Variants in PIK3R5 observed in about 807,000 individuals in gnomAD.
PIK3R5 encodes the protein phosphoinositide-3-kinase regulatory subunit 5.
Under a neutral mutation model 94.9 loss-of-function variants are expected in PIK3R5, and 32 were observed. The ratio of observed to expected loss-of-function variants is 0.34; its 90% CI spans 0.25 to 0.45. The LOEUF is 0.45. Ranked by LOEUF, PIK3R5 falls within the 20% of genes least tolerant of loss-of-function variation. The probability of loss-of-function intolerance (pLI) is 1.00; values close to 1 mark genes in which losing one functional copy is unlikely to be tolerated. For missense variants in PIK3R5, 853 were observed against 1,144.6 expected, an observed-to-expected ratio of 0.75 and a Z score of 3.68; for synonymous variants, 443 against 479.4, an observed-to-expected ratio of 0.92 and a Z score of 0.99.
chr17:8,917,139 C>T (rs1243845716), intron 1 of PIK3R5, among the ~76,000 whole-genome samples: 1 of 152,056 alleles, frequency 6.6e-6, no homozygotes, highest in Non-Finnish European at 1.5e-5. Context: ...AGGAAGGATA[C>T]ACCAGAAATT....
intron 1 of PIK3R5, among the ~76,000 whole-genome samples, chr17:8,961,416 C>T (rs574109771): frequency 1.1e-4 from 16 of 152,258 alleles, no homozygotes; most frequent in African/African-American, 3.9e-4. Flanking sequence ...GGGCAGAACA[C>T]CTGCGGTCTG....
At chr17:8,950,952 C>T (rs2091365518) in intron 1 of PIK3R5, among the ~76,000 whole-genome samples, 2 of 152,158 alleles carry the variant, frequency 1.3e-5, no homozygotes, top group East Asian at 1.9e-4. Context: ...CACAGCCTCG[C>T]CAGCATCTGT....
At chr17:8,936,411 T>C (rs2091077470) in intron 1 of PIK3R5, among the ~76,000 whole-genome samples, 1 of 152,230 alleles carries the variant, frequency 6.6e-6, no homozygotes, top group Non-Finnish European at 1.5e-5. Flanking sequence ...ATACTCCATC[T>C]ATTCATCCTA....
At chr17:8,885,604 C>G (rs1597372578) in intron 14 of PIK3R5, among the ~76,000 whole-genome samples, 1 of 123,902 alleles carries the variant, frequency 8.1e-6, no homozygotes, top group Non-Finnish European at 1.7e-5. Flanking sequence ...GGCCCTGCCT[C>G]CTAGGTAACC....
chr17:8,944,665 T>C (rs1427761062), intron 1 of PIK3R5, among the ~76,000 whole-genome samples: 1 of 152,184 alleles, frequency 6.6e-6, no homozygotes, highest in East Asian at 1.9e-4. Flanking sequence ...TATCCATCTT[T>C]ACTCTCCAGA....
intron 1 of PIK3R5, among the ~76,000 whole-genome samples, chr17:8,929,861 A>G (rs920462738): frequency 3.3e-5 from 5 of 152,182 alleles, no homozygotes; most frequent in African/African-American, 1.2e-4. Flanking sequence ...ACTGGGTACA[A>G]TGTACACTAC....
rs919494229 is a variant in PIK3R5 at position 8,945,335 on chromosome 17, T to A, written c.-14+20261A>T. Among the ~76,000 whole-genome samples the A allele has an allele frequency of 2.6e-5, 4 of 152,044 alleles. No homozygotes were observed. The South Asian group carries it at 8.3e-4, about 32-fold the overall frequency. On this transcript the variant is annotated intron_variant, in intron 1 of 18. Coordinates refer to ENST00000447110, the MANE Select transcript of PIK3R5 (RefSeq NM_001142633.3). The surrounding 1 kb of genome is among the most constrained non-coding windows in gnomAD (Gnocchi z 4.0). ...AGATTCTTCCCTTACAATCAGTAGG[T>A]CTGCCTCCCACCCCAGCCACACACA...
chr17:8,890,993 T>TCTCAGTGGA lies in PIK3R5; in HGVS notation c.483-82_483-81insTCCACTGAG. 1 of 1,384,294 alleles carries TCTCAGTGGA rather than the reference T, an allele frequency of 7.2e-7. No individual in the cohort carries two copies. The highest frequency in any genetic ancestry group is 9.9e-7 in the Non-Finnish European group (1 of 1,014,446). The allele number at this position is 1,384,294 out of a possible 1,614,324, so 85.8% of individuals were successfully genotyped here. On this transcript the variant is annotated intron_variant, in intron 6 of 18. Coordinates refer to ENST00000447110, the MANE Select transcript of PIK3R5 (RefSeq NM_001142633.3). This position sits in a 1 kb window ranked among gnomAD's most constrained non-coding sequence, Gnocchi z 6.1. ...CAGCCACCCCCCTCGTGCCTGCTGG[T>TCTCAGTGGA]GCTCAGCTCCACTGAGACCAGGGCC...
rs139084143 is a variant in PIK3R5 at position 8,890,841 on chromosome 17, G to C, written c.554C>G (p.Pro185Arg). ...GTAGGCACTGTGAGGCGAGTGTCCG[G>C]GCGTACTCAGCTTATTGGCTACAGC... ...FLAVANKLSTPGHSPHSAYTT... is the reference protein window; with the variant it reads ...FLAVANKLSTRGHSPHSAYTT... The change falls in exon 7 of 19, where the codon CCC becomes CGC. Residue 185 changes from proline (P) to arginine (R), a missense_variant. Physicochemically the swap from Pro to Arg is moderately radical, Grantham distance 103 (BLOSUM62 -2). Around this residue, in one of 6 missense-constraint regions of PIK3R5, gnomAD observed 161 missense variants for 249.5 expected, o/e 0.65. Coordinates refer to ENST00000447110, the MANE Select transcript of PIK3R5 (RefSeq NM_001142633.3). This position sits in a 1 kb window ranked among gnomAD's most constrained non-coding sequence, Gnocchi z 6.1. 64 of 1,613,446 alleles carry C rather than the reference G, an allele frequency of 4.0e-5. No individual in the cohort carries two copies. In the African/African-American group the frequency reaches 7.9e-4, roughly 20 times the overall value.
intron 1 of PIK3R5, among the ~76,000 whole-genome samples, chr17:8,923,020 C>G (rs543230870): frequency 6.6e-6 from 1 of 151,956 alleles, no homozygotes; most frequent in South Asian, 2.1e-4. Context: ...GTGGTCAAGA[C>G]CAAGAAGAAA....
rs544844982 is a variant in PIK3R5 at position 8,917,636 on chromosome 17, C to T, written c.-13-6129G>A. On this transcript the variant is annotated intron_variant, in intron 1 of 18. Transcript: ENST00000447110. The stretch of plus-strand genomic sequence containing the variant: ...ATCCCAGCACTTTGGGAGGCCAACG[C>T]GGGTGGATCACCTGAGTTCAGGAGT... 1.8e-4 allele frequency among the ~76,000 whole-genome samples: 28 copies of T among 152,242 alleles called. 1 individual carries two copies. The highest frequency in any genetic ancestry group is 2.9e-4 in the African/African-American group (12 of 41,536).
chr17:8,888,769 A>T lies in PIK3R5; in HGVS notation c.1018T>A (p.Cys340Ser), dbSNP rs1310243590. ...VEEDLETDGH[C>S]AERDSLLSTS... ...GAGAGCAGGGAATCTCTCTCGGCAC[A>T]GTGCCCGTCAGTTTCCAAGTCCTCC... Residue 340 changes from cysteine to serine, a missense_variant, in exon 10 of 19, where the codon TGT (cysteine) becomes AGT (serine). Cys to Ser is a moderately radical substitution (Grantham distance 112). Around this residue, in one of 6 missense-constraint regions of PIK3R5, gnomAD observed 161 missense variants for 249.5 expected, o/e 0.65. Coordinates refer to ENST00000447110, the MANE Select transcript of PIK3R5 (RefSeq NM_001142633.3). This position sits in a 1 kb window ranked among gnomAD's most constrained non-coding sequence, Gnocchi z 7.8. 6.2e-7 allele frequency: 1 copy of T among 1,613,124 alleles called. No homozygotes were observed. Among genetic ancestry groups the T allele is most frequent in the Non-Finnish European group, 8.5e-7 (1 of 1,179,998 alleles).
chr17:8,896,620 AC>A lies in PIK3R5; in HGVS notation c.413-2966del, dbSNP rs2090158493. ...GGCCCTTCGCCATTAAGCCTTGTTC[AC>A]CCATCAAAGCTTCCACTCTTTTTCA... is the stretch of plus-strand genomic sequence containing the variant. On this transcript the variant is annotated intron_variant, in intron 5 of 18. Coordinates refer to ENST00000447110, the MANE Select transcript of PIK3R5 (RefSeq NM_001142633.3). The surrounding 1 kb of genome is among the most constrained non-coding windows in gnomAD (Gnocchi z 4.0). 6.6e-6 allele frequency among the ~76,000 whole-genome samples: 1 copy of A among 152,132 alleles called. No individual in the cohort carries two copies. The highest frequency in any genetic ancestry group is 2.4e-5 in the African/African-American group (1 of 41,430).
intron 5 of PIK3R5, among the ~76,000 whole-genome samples, chr17:8,899,930 C>A (rs547101137): frequency 2.6e-5 from 4 of 151,792 alleles, no homozygotes; most frequent in South Asian, 4.2e-4. Context: ...CCCAGCTACT[C>A]GGGAAGCTGA....
intron 1 of PIK3R5, among the ~76,000 whole-genome samples, chr17:8,952,893 G>A (rs1272651191): frequency 6.6e-6 from 1 of 152,170 alleles, no homozygotes; most frequent in Non-Finnish European, 1.5e-5. Flanking sequence ...GACCCAAGTT[G>A]CAACTGTGGC....
At chr17:8,907,449 G>T (rs552018392) in intron 3 of PIK3R5, among the ~76,000 whole-genome samples, 31 of 152,192 alleles carry the variant, frequency 2.0e-4, no homozygotes, top group African/African-American at 7.0e-4. Context: ...AATCTAGAAA[G>T]GAGTTCAAGA....
rs997029889 is a variant in PIK3R5, at chr17:8,888,366, T to C, written c.1421A>G (p.Gln474Arg). 1.2e-6 allele frequency: 2 copies of C among 1,608,656 alleles called. No individual in the cohort carries two copies. The highest frequency in any genetic ancestry group is 1.8e-4 in the Middle Eastern group (1 of 5,524). ...DEPVSPPSRA[Q>R]RSRSLPQPKL... is the part of the protein sequence containing the mutation. ...GGGCTGGGGCAGGGAGCGGGAGCGC[T>C]GGGCCCGGGAAGGGGGTGATACTGG... The change falls in exon 10 of 19, where the codon CAG becomes CGG. Residue 474 changes from glutamine (Q) to arginine (R), a missense_variant. By Grantham distance (43) the Gln-to-Arg change is conservative (BLOSUM62 1). Around this residue, in one of 6 missense-constraint regions of PIK3R5, gnomAD observed 319 missense variants for 339.8 expected, o/e 0.94. Transcript: ENST00000447110. The surrounding 1 kb of genome is among the most constrained non-coding windows in gnomAD (Gnocchi z 7.8).
intron 14 of PIK3R5, among the ~76,000 whole-genome samples, chr17:8,886,014 T>G (rs1597373373): frequency 8.2e-6 from 1 of 121,836 alleles, no homozygotes; most frequent in Admixed American, 8.2e-5. Flanking sequence ...TGGCCCCACC[T>G]CCCGTATCCC....
intron 1 of PIK3R5, among the ~76,000 whole-genome samples, chr17:8,927,784 T>C (rs772201022): frequency 5.3e-5 from 8 of 152,252 alleles, no homozygotes; most frequent in Non-Finnish European, 1.0e-4. Flanking sequence ...CTTTGGATGG[T>C]TGGAGCCAAT....
Sources: gnomAD v4.1 joint callset for allele counts (sites outside exome capture counted in the v4.1 genomes callset) on GRCh38, gnomAD v4.1.1 for gene constraint, gnomAD v4.1.1 regional missense constraint, Gnocchi (gnomAD v3.1) non-coding constraint, MANE v1.5 for transcripts, NCBI Gene and HGNC (gene_info 2026-07-23, HGNC 2026-07-21) for gene names.